Variants in STK36 observed in about 807,000 individuals in gnomAD.
The protein encoded by STK36 is serine/threonine-protein kinase 36.
STK36 carries 116 observed loss-of-function variants against 142.2 expected under a neutral mutation model. The observed-to-expected ratio is 0.82, with a 90% CI of 0.70 to 0.95. The LOEUF (loss-of-function observed/expected upper bound fraction) is 0.95, where lower values mean the gene tolerates loss of function less well. Among genes scored for constraint, STK36 ranks in the 40% least tolerant of loss-of-function variants. The pLI is 0.00. For missense variants in STK36, 1,422 were observed against 1,617.2 expected (o/e 0.88, Z 2.07); for synonymous variants, 619 against 641.7 (o/e 0.96, Z 0.53).
In STK36 at chr2:218,694,530, A is replaced by G; in HGVS notation, c.2406A>G (p.Ala802=). 1 of 1,614,124 alleles carries G rather than the reference A, an allele frequency of 6.2e-7. No individual in the cohort carries two copies. The highest frequency in any genetic ancestry group is 1.1e-5 in the South Asian group (1 of 91,092). The stretch of plus-strand genomic sequence containing the variant: ...CTCTTTTACCTCTCCCACAGAGTGC[A>G]GCAGCCTGTCTATTGGGACAGCTTG... ...THSHVVSLVS[A]AACLLGQLGQ... is the part of the protein sequence containing the mutation. Residue 802 remains alanine (A), a synonymous_variant, in exon 21 of 27, where the codon GCA becomes GCG. Transcript: ENST00000295709. The surrounding 1 kb of genome is among the most constrained non-coding windows in gnomAD (Gnocchi z 4.4).
At position 218,690,471 on chromosome 2, in the gene STK36, T is replaced by C. The variant is rs769155882; in HGVS notation, c.1680T>C (p.Ala560=). The part of the protein sequence containing the change: ...TSDSLQVFQE[A]ANLFLDLLGK... ...CCAGCCTGCAGGTGTTTCAGGAGGC[T>C]GCCAACCTTTTTCTGGACCTGTTGG... The change falls in exon 14 of 27, where the codon GCT becomes GCC. Residue 560 remains alanine, a synonymous_variant. Coordinates refer to ENST00000295709, the MANE Select transcript of STK36 (RefSeq NM_015690.5). The C allele has an allele frequency of 6.2e-7, 1 of 1,614,178 alleles. No individual in the cohort carries two copies. Among genetic ancestry groups the C allele is most frequent in the East Asian group, 2.2e-5 (1 of 44,878 alleles).
chr2:218,672,757 G>A lies in STK36; in HGVS notation c.-73G>A. 1 of 1,492,912 alleles carries A rather than the reference G, an allele frequency of 6.7e-7. No individual in the cohort carries two copies. Among genetic ancestry groups the A allele is most frequent in the South Asian group, 1.1e-5 (1 of 87,548 alleles). 92.5% of individuals were successfully genotyped at this position (1,492,912 alleles called of 1,614,324 possible). A position where few individuals can be genotyped will look rare whatever the true frequency, so the allele number is the denominator to read the frequency against. ...CCCAACTAGGCGTCCCAGATGTTGT[G>A]GAACTGTCCCTGGATCTATAGCTCT... On this transcript the variant is annotated 5_prime_UTR_variant, in exon 2 of 27. An upstream open reading frame in the 5' UTR gains an earlier in-frame stop. Coordinates refer to ENST00000295709, the MANE Select transcript of STK36 (RefSeq NM_015690.5).
chr2:218,688,670 G>A (rs996624215), intron 11 of STK36, 27 bp from the exon 12 acceptor site: 30 of 1,601,756 alleles, frequency 1.9e-5, no homozygotes, highest in Admixed American at 5.2e-5. Flanking sequence ...AATATCAATC[G>A]TTGCCTCTTT....
chr2:218,677,678 G>A (rs1340766570), intron 6 of STK36, among the ~76,000 whole-genome samples: 1 of 152,228 alleles, frequency 6.6e-6, no homozygotes, highest in Admixed American at 6.5e-5. Flanking sequence ...AATGGTGAGA[G>A]CTGGTGGAGC....
intron 11 of STK36, among the ~76,000 whole-genome samples, chr2:218,685,890 G>A (rs924835699): frequency 1.3e-5 from 2 of 151,702 alleles, no homozygotes; most frequent in Non-Finnish European, 2.9e-5. Flanking sequence ...GTTAACCATA[G>A]TTCAGTTTTA....
At position 218,697,167 on chromosome 2, in the gene STK36, C is replaced by T. The variant is rs1248982162; in HGVS notation, c.2715C>T (p.Ser905=). 6.2e-7 allele frequency: 1 copy of T among 1,614,132 alleles called. No individual in the cohort carries two copies. The highest frequency in any genetic ancestry group is 8.5e-7 in the Non-Finnish European group (1 of 1,180,028). ...ASAQEGELSL[S]SPPSPEPDWT... ...CACAGGAAGGGGAGCTTTCGCTATC[C>T]AGTCCACCAAGCCCTGAGCCAGACT... The change falls in exon 23 of 27, where the codon TCC becomes TCT. Residue 905 remains serine, a synonymous_variant. Coordinates refer to ENST00000295709, the MANE Select transcript of STK36 (RefSeq NM_015690.5).
Position 218,697,883 on chromosome 2 carries a change from T to C in STK36, c.2939T>C (p.Val980Ala), listed in dbSNP as rs1941296413. ...APHGSEFLPV[V>A]VLSVCQLLCF... ...CATGGGTCTGAGTTTCTCCCTGTCG[T>C]GGTGCTCTCTGTCTGCCAGCTCCTT... The change falls in exon 25 of 27, where the codon GTG (valine) becomes GCG (alanine). Residue 980 changes from valine (V) to alanine (A), a missense_variant. This residue lies in a region of STK36 where 962 missense variants were observed against 1,167.5 expected (regional missense o/e 0.82). Transcript: ENST00000295709. 2 of 1,614,062 alleles carry C rather than the reference T, an allele frequency of 1.2e-6. No individual in the cohort carries two copies. The highest frequency in any genetic ancestry group is 1.3e-5 in the African/African-American group (1 of 74,936).
chr2:218,673,328 AT>A (rs925401237), intron 2 of STK36: 1,227 of 389,196 alleles, frequency 3.2e-3, no homozygotes, highest in Middle Eastern at 6.5e-3. Flanking sequence ...TTTCCTCTTC[AT>A]TTTTTTTTTC....
Position 218,688,848 on chromosome 2 carries a change from A to G in STK36, c.1532A>G (p.His511Arg). 6.2e-7 allele frequency: 1 copy of G among 1,612,630 alleles called. No individual in the cohort carries two copies. The change falls in exon 12 of 27, where the codon CAC (histidine) becomes CGC (arginine). Residue 511 changes from histidine (H) to arginine (R), a missense_variant. By Grantham distance (29) the His-to-Arg change is conservative. Coordinates refer to ENST00000295709, the MANE Select transcript of STK36 (RefSeq NM_015690.5). ...LPGLLLSLLR[H>R]SQESNSLQQQ... Reference sequence around the variant, plus strand: ...GGGCTGCTGCTGAGTCTACTCAGGCACAGTCAGGAGAGCAACAGCCTCCAG... The same window carrying G: ...GGGCTGCTGCTGAGTCTACTCAGGCGCAGTCAGGAGAGCAACAGCCTCCAG...
intron 21 of STK36, among the ~76,000 whole-genome samples, chr2:218,695,098 G>A (rs1384918985): frequency 6.6e-6 from 1 of 152,010 alleles, no homozygotes; most frequent in Admixed American, 6.6e-5. Context: ...CCATTATGTA[G>A]CCTTCTTTCT....
At chr2:218,701,409 G>A (rs1000797257) in intron 26 of STK36, among the ~76,000 whole-genome samples, 1 of 151,978 alleles carries the variant, frequency 6.6e-6, no homozygotes, top group South Asian at 2.1e-4. Flanking sequence ...CAAAGTACGG[G>A]ATTACAGGCA....
intron 11 of STK36, among the ~76,000 whole-genome samples, chr2:218,687,264 T>A (rs1940815408): frequency 6.6e-6 from 1 of 152,264 alleles, no homozygotes; most frequent in Non-Finnish European, 1.5e-5. Context: ...AATTTTGATT[T>A]AAGTTCAGTT....
At chr2:218,683,919 A>G (rs548356667) in intron 10 of STK36, among the ~76,000 whole-genome samples, 5 of 146,262 alleles carry the variant, frequency 3.4e-5, no homozygotes, top group African/African-American at 1.3e-4. Flanking sequence ...TGAACTCATC[A>G]TTTTTTATGG....
rs1941240426 is a variant in STK36, at chr2:218,696,542, C to T, written c.2527C>T (p.Pro843Ser). 3 of 1,614,148 alleles carry T rather than the reference C, an allele frequency of 1.9e-6. No homozygotes were observed. Among genetic ancestry groups the T allele is most frequent in the Non-Finnish European group, 1.7e-6 (2 of 1,180,006 alleles). The change falls in exon 22 of 27, where the codon CCA becomes TCA. Residue 843 changes from proline to serine, a missense_variant. By Grantham distance (74) the Pro-to-Ser change is moderately conservative. Coordinates refer to ENST00000295709, the MANE Select transcript of STK36 (RefSeq NM_015690.5). The part of the protein sequence containing the change: ...SAPAEVRLTP[P>S]GSCGFYDGLL... Reference sequence around the variant, plus strand: ...TCTCTGACAGGTTCGGTTGACTCCACCAGGTAGTTGTGGATTCTATGATGG... The same window carrying T: ...TCTCTGACAGGTTCGGTTGACTCCATCAGGTAGTTGTGGATTCTATGATGG...
At position 218,676,175 on chromosome 2, in the gene STK36, C is replaced by T; in HGVS notation, c.581C>T (p.Ala194Val). Residue 194 changes from alanine (A) to valine (V), a missense_variant, in exon 6 of 27, where the codon GCA (alanine) becomes GTA (valine). This residue lies in a region of STK36 where 460 missense variants were observed against 449.6 expected (regional missense o/e 1.02). Coordinates refer to ENST00000295709, the MANE Select transcript of STK36 (RefSeq NM_015690.5). The stretch of plus-strand genomic sequence containing the variant: ...GTTGGCTGCATACTATATGAACTGG[C>T]AGTAGGCACCCCTCCCTTCTATGCT... ...WSVGCILYEL[A>V]VGTPPFYATS... The T allele has an allele frequency of 6.2e-7, 1 of 1,614,152 alleles. No individual in the cohort carries two copies. The highest frequency in any genetic ancestry group is 8.5e-7 in the Non-Finnish European group (1 of 1,180,036).
At chr2:218,672,414 G>A (rs1374204736) in intron 1 of STK36, 199 bp downstream of exon 1, 1 of 296,484 alleles carries the variant, frequency 3.4e-6, no homozygotes, top group Non-Finnish European at 6.4e-6. Context: ...GGGGGTCTGA[G>A]AGCGGGTGCT....
At chr2:218,690,216 G>T (rs1403761659) in intron 13 of STK36, among the ~76,000 whole-genome samples, 3 of 151,932 alleles carry the variant, frequency 2.0e-5, no homozygotes, top group African/African-American at 7.3e-5. Flanking sequence ...CCTATTCCAG[G>T]AAGCCAATTG....
chr2:218,699,351 A>G lies in STK36; in HGVS notation c.3804+3A>G, dbSNP rs1259830572. 1.2e-6 allele frequency: 2 copies of G among 1,613,054 alleles called. No individual in the cohort carries two copies. The highest frequency in any genetic ancestry group is 1.1e-5 in the South Asian group (1 of 91,036). On this transcript the variant is annotated splice_donor_region_variant and intron_variant, in intron 26 of 26. Coordinates refer to ENST00000295709, the MANE Select transcript of STK36 (RefSeq NM_015690.5). ...AACAGGAGCCTGGCATCCATCAGGTATACCCTACAGCACTTATGAACCATG... is the reference window on the plus strand; with the variant it reads ...AACAGGAGCCTGGCATCCATCAGGTGTACCCTACAGCACTTATGAACCATG...
intron 15 of STK36, 42 bp downstream of exon 15, chr2:218,692,335 T>A (rs1941036272): frequency 6.2e-7 from 1 of 1,611,348 alleles, no homozygotes; most frequent in African/African-American, 1.3e-5. Context: ...ACTTACTTGT[T>A]GCATAGGTCA....
Sources: allele counts gnomAD v4.1 joint callset (sites outside exome capture counted in the v4.1 genomes callset), GRCh38; gene constraint gnomAD v4.1.1; regional missense constraint gnomAD v4.1.1; non-coding constraint Gnocchi (gnomAD v3.1); transcripts MANE v1.5; gene names NCBI Gene and HGNC (gene_info 2026-07-23, HGNC 2026-07-21).